Variants in USO1 observed in about 807,000 individuals in gnomAD.
USO1 encodes USO1 vesicle transport factor.
Under a neutral mutation model 124.5 loss-of-function variants are expected in USO1, and 57 were observed. The ratio of observed to expected loss-of-function variants is 0.46; its 90% CI spans 0.37 to 0.57. USO1 has a LOEUF of 0.57. USO1 is among the 20% of genes least tolerant of loss of function. The pLI, the probability that USO1 is intolerant of heterozygous loss-of-function variation, is 0.00. For synonymous variants in USO1, 369 were observed against 362.8 expected (o/e 1.02, Z -0.19); for missense variants, 900 against 1,040.6 (o/e 0.86, Z 1.86).
chr4:75,729,950 A>T (rs1245658977), intron 1 of USO1: 6 of 406,090 alleles, frequency 1.5e-5, no homozygotes, highest in Non-Finnish European at 9.6e-6. Flanking sequence ...TTAGTCAAGC[A>T]CATTTTATAC....
intron 12 of USO1, among the ~76,000 whole-genome samples, chr4:75,792,216 A>G (rs946031830): frequency 6.6e-6 from 1 of 152,100 alleles, no homozygotes; most frequent in Non-Finnish European, 1.5e-5. Context: ...CTTGGGCAAC[A>G]TAGTGAAACC....
At chr4:75,742,685 A>G (rs1166619757) in intron 1 of USO1, among the ~76,000 whole-genome samples, 1 of 152,378 alleles carries the variant, frequency 6.6e-6, no homozygotes, top group South Asian at 2.1e-4. Context: ...TGACTTTCTC[A>G]TGAAAATAGA....
At chr4:75,795,256 A>C (rs1722644823) in intron 13 of USO1, 1 of 694,788 alleles carries the variant, frequency 1.4e-6, no homozygotes, top group African/African-American at 1.8e-5. Flanking sequence ...ACTATGAAAA[A>C]GTATTTGAGG....
At chr4:75,784,582 A>G (rs563863091) in intron 9 of USO1, among the ~76,000 whole-genome samples, 2 of 152,260 alleles carry the variant, frequency 1.3e-5, no homozygotes, top group East Asian at 3.9e-4. Context: ...GGGGAGCCCA[A>G]GGCAGGTGGG....
chr4:75,765,771 C>G, intron 4 of USO1, among the ~76,000 whole-genome samples: 1 of 151,906 alleles, frequency 6.6e-6, no homozygotes, highest in Non-Finnish European at 1.5e-5. Context: ...AAAGGAACAA[C>G]AGGAAATCCT....
In USO1 at chr4:75,808,790, G is replaced by A. The variant is rs149602905; in HGVS notation, c.2377-163G>A. On this transcript the variant is annotated intron_variant, in intron 20 of 23. Coordinates refer to ENST00000514213, the MANE Select transcript of USO1 (RefSeq NM_003715.4). Reference sequence around the variant, plus strand: ...GGAGGGAGCAGAGGTAAATGAATGTGTTGAATTTTCCATCTTGAACCCAAA... The same window carrying A: ...GGAGGGAGCAGAGGTAAATGAATGTATTGAATTTTCCATCTTGAACCCAAA... Among the ~76,000 whole-genome samples, 20 of 147,502 alleles carry A rather than the reference G, an allele frequency of 1.4e-4. No homozygotes were observed. The East Asian group carries it at 2.8e-3, about 21-fold the overall frequency.
intron 22 of USO1, among the ~76,000 whole-genome samples, chr4:75,810,996 T>C (rs1260671439): frequency 6.6e-6 from 1 of 152,198 alleles, no homozygotes; most frequent in Non-Finnish European, 1.5e-5. Flanking sequence ...CCCAAAGTGC[T>C]GGAATGCTGG....
chr4:75,812,339 G>A lies in USO1; in HGVS notation c.2763G>A (p.Leu921=). 1 of 1,599,992 alleles carries A rather than the reference G, an allele frequency of 6.3e-7. No homozygotes were observed. The highest frequency in any genetic ancestry group is 8.5e-7 in the Non-Finnish European group (1 of 1,172,910). ...TGGCCGATCAAGATCAGAAAATACTGTCATTGAAGAATAAACTCAAGGATC... is the reference window on the plus strand; with the variant it reads ...TGGCCGATCAAGATCAGAAAATACTATCATTGAAGAATAAACTCAAGGATC... ...VLLADQDQKI[L]SLKNKLKDLG... The change falls in exon 23 of 24, where the codon CTG becomes CTA. Residue 921 remains leucine, a synonymous_variant. Coordinates refer to ENST00000514213, the MANE Select transcript of USO1 (RefSeq NM_003715.4).
chr4:75,725,105 C>G (rs1229209368), intron 1 of USO1: 1 of 587,220 alleles, frequency 1.7e-6, no homozygotes, highest in Non-Finnish European at 3.0e-6. Context: ...CTGACGGCGG[C>G]CGCGCCCCGC....
chr4:75,730,452 C>G (rs1720597616), intron 1 of USO1, among the ~76,000 whole-genome samples: 1 of 151,912 alleles, frequency 6.6e-6, no homozygotes. Context: ...TCTGACCAGA[C>G]CTTTTTTTTT....
intron 20 of USO1, among the ~76,000 whole-genome samples, chr4:75,807,691 T>C (rs1166787157): frequency 6.6e-6 from 1 of 152,196 alleles, no homozygotes; most frequent in African/African-American, 2.4e-5. Flanking sequence ...TAAGTGTACC[T>C]ATACTAGAAC....
chr4:75,757,620 C>A, intron 4 of USO1, 47 bp downstream of exon 4: 1 of 1,336,778 alleles, frequency 7.5e-7, no homozygotes, highest in South Asian at 1.9e-5. Context: ...TTAAAACCAA[C>A]TGGGTTGTGC....
chr4:75,785,637 C>A (rs1475520166), intron 9 of USO1, among the ~76,000 whole-genome samples: 2 of 152,010 alleles, frequency 1.3e-5, no homozygotes, highest in African/African-American at 2.4e-5. Flanking sequence ...GCTATTAGAT[C>A]TCTTTTTATC....
intron 7 of USO1, among the ~76,000 whole-genome samples, chr4:75,772,376 A>G (rs1235018636): frequency 2.6e-5 from 4 of 151,950 alleles, no homozygotes; most frequent in African/African-American, 9.7e-5. Flanking sequence ...AGCTGGGATT[A>G]CAGGCATGTG....
intron 20 of USO1, among the ~76,000 whole-genome samples, chr4:75,808,067 C>T (rs1376367085): frequency 6.6e-6 from 1 of 152,128 alleles, no homozygotes; most frequent in African/African-American, 2.4e-5. Flanking sequence ...GCCATTGTCC[C>T]ACCACTTACT....
chr4:75,784,397 A>T (rs1393245994), intron 9 of USO1, among the ~76,000 whole-genome samples: 1 of 152,222 alleles, frequency 6.6e-6, no homozygotes, highest in Non-Finnish European at 1.5e-5. Flanking sequence ...AGAGAATCTG[A>T]TGATATAAAA....
At chr4:75,730,669 T>G (rs1361056246) in intron 1 of USO1, among the ~76,000 whole-genome samples, 5 of 152,196 alleles carry the variant, frequency 3.3e-5, no homozygotes, top group African/African-American at 1.2e-4. Flanking sequence ...TTTATGTATT[T>G]ACCTTTTATT....
At chr4:75,764,476 G>A (rs369207461) in intron 4 of USO1, among the ~76,000 whole-genome samples, 49 of 152,260 alleles carry the variant, frequency 3.2e-4, no homozygotes, top group African/African-American at 1.1e-3. Flanking sequence ...GTTCTGCCAT[G>A]TACCTATTAA....
intron 17 of USO1, among the ~76,000 whole-genome samples, chr4:75,801,447 T>G (rs1577971663): frequency 6.6e-6 from 1 of 152,244 alleles, no homozygotes; most frequent in African/African-American, 2.4e-5. Context: ...GTTGACATTT[T>G]CTTTCCAGGA....
Sources: allele counts gnomAD v4.1 joint callset (sites outside exome capture counted in the v4.1 genomes callset), GRCh38; gene constraint gnomAD v4.1.1; transcripts MANE v1.5; gene names NCBI Gene and HGNC (gene_info 2026-07-23, HGNC 2026-07-21).